Variants in CYP7B1 observed in about 807,000 individuals in gnomAD.
CYP7B1 encodes the protein cytochrome P450 7B1.
CYP7B1 carries 29 observed loss-of-function variants against 42.7 expected under a neutral mutation model. The observed-to-expected ratio is 0.68, with a 90% CI of 0.51 to 0.93. The LOEUF is 0.93. Ranked by LOEUF, CYP7B1 falls within the 40% of genes least tolerant of loss-of-function variation. The probability of loss-of-function intolerance (pLI) is 0.00; values close to 1 mark genes in which losing one functional copy is unlikely to be tolerated. For missense variants in CYP7B1, 655 were observed against 600.5 expected, an observed-to-expected ratio of 1.09 and a Z score of -0.95; for synonymous variants, 235 against 218.2, an observed-to-expected ratio of 1.08 and a Z score of -0.68.
chr8:64,781,100 C>G (rs556288604), intron 1 of CYP7B1, among the ~76,000 whole-genome samples: 2 of 152,098 alleles, frequency 1.3e-5, no homozygotes, highest in African/African-American at 4.8e-5. Context: ...TCTGTAAAAT[C>G]TGAGACCAAA....
intron 1 of CYP7B1, among the ~76,000 whole-genome samples, chr8:64,668,945 T>A (rs1385354545): frequency 6.6e-6 from 1 of 152,020 alleles, no homozygotes; most frequent in African/African-American, 2.4e-5. Context: ...CATAACTGCT[T>A]TATAGGTTAC....
At chr8:64,600,956 A>G (rs1051573333) in intron 5 of CYP7B1, among the ~76,000 whole-genome samples, 2 of 152,170 alleles carry the variant, frequency 1.3e-5, no homozygotes, top group African/African-American at 4.8e-5. Flanking sequence ...GTCACTCACT[A>G]TGCCCATCAA....
chr8:64,787,069 C>T (rs1047112453), intron 1 of CYP7B1, among the ~76,000 whole-genome samples: 1 of 152,204 alleles, frequency 6.6e-6, no homozygotes, highest in Admixed American at 6.5e-5. Context: ...AGGGGTTAGG[C>T]CTGGACTATG....
chr8:64,630,152 G>T (rs1805668389), intron 1 of CYP7B1, among the ~76,000 whole-genome samples: 2 of 152,052 alleles, frequency 1.3e-5, no homozygotes, highest in African/African-American at 4.8e-5. Flanking sequence ...CAGAAAGGAA[G>T]TGGGGGGAAA....
intron 1 of CYP7B1, among the ~76,000 whole-genome samples, chr8:64,755,544 C>T (rs929168490): frequency 1.3e-5 from 2 of 151,992 alleles, no homozygotes; most frequent in African/African-American, 4.8e-5. Flanking sequence ...TCAGCCTCCA[C>T]AGTAGCTGGG....
At chr8:64,746,354 C>T (rs1368813886) in intron 1 of CYP7B1, among the ~76,000 whole-genome samples, 1 of 152,110 alleles carries the variant, frequency 6.6e-6, no homozygotes, top group Admixed American at 6.6e-5. Flanking sequence ...TTTTGTTTTA[C>T]CACAAGAAAA....
intron 1 of CYP7B1, among the ~76,000 whole-genome samples, chr8:64,754,240 G>A (rs1807774043): frequency 6.6e-6 from 1 of 152,222 alleles, no homozygotes; most frequent in South Asian, 2.1e-4. Flanking sequence ...TCTGAAACAG[G>A]AGAGTGGTAC....
At chr8:64,614,534 C>G (rs1169209106) in intron 4 of CYP7B1, among the ~76,000 whole-genome samples, 1 of 151,928 alleles carries the variant, frequency 6.6e-6, no homozygotes, top group Non-Finnish European at 1.5e-5. Context: ...TCACGAACTT[C>G]CAATGGAAAA....
At chr8:64,797,873 T>G (rs1035497032) in intron 1 of CYP7B1, among the ~76,000 whole-genome samples, 7 of 152,240 alleles carry the variant, frequency 4.6e-5, no homozygotes, top group African/African-American at 7.2e-5. Context: ...GTCTAGATTT[T>G]GTCATTATTG....
chr8:64,692,658 A>G (rs967355129), intron 1 of CYP7B1, among the ~76,000 whole-genome samples: 1 of 152,198 alleles, frequency 6.6e-6, no homozygotes, highest in African/African-American at 2.4e-5. Context: ...AAGACAGCAG[A>G]AGAGGGAAAA....
At chr8:64,666,449 GAACA>G (rs1806281101) in intron 1 of CYP7B1, among the ~76,000 whole-genome samples, 1 of 152,182 alleles carries the variant, frequency 6.6e-6, no homozygotes, top group Non-Finnish European at 1.5e-5. Flanking sequence ...AGAGTAATAA[GAACA>G]AACAAATTGG....
intron 1 of CYP7B1, among the ~76,000 whole-genome samples, chr8:64,641,862 A>G (rs1027184609): frequency 1.3e-5 from 2 of 152,184 alleles, no homozygotes; most frequent in Admixed American, 6.5e-5. Flanking sequence ...AACATCACAC[A>G]CAGAATATTC....
chr8:64,687,220 T>C (rs563595438), intron 1 of CYP7B1, among the ~76,000 whole-genome samples: 1 of 152,226 alleles, frequency 6.6e-6, no homozygotes, highest in East Asian at 1.9e-4. Flanking sequence ...AAAGAAGATG[T>C]GGTATATCTG....
At chr8:64,695,278 G>A (rs1309626645) in intron 1 of CYP7B1, among the ~76,000 whole-genome samples, 3 of 152,134 alleles carry the variant, frequency 2.0e-5, no homozygotes, top group African/African-American at 4.8e-5. Context: ...CCGGACATGA[G>A]CCACAATTAC....
At chr8:64,741,200 A>G (rs1182668698) in intron 1 of CYP7B1, among the ~76,000 whole-genome samples, 6 of 152,192 alleles carry the variant, frequency 3.9e-5, no homozygotes, top group Non-Finnish European at 5.9e-5. Flanking sequence ...TAGCTTTATA[A>G]AATAAAGAAA....
Position 64,624,533 on chromosome 8 carries a change from G to A in CYP7B1, c.129C>T (p.Pro43=), listed in dbSNP as rs1471365409. Residue 43 remains proline, a synonymous_variant, in exon 2 of 6, where the codon CCC becomes CCT. Transcript: ENST00000310193. The part of the protein sequence containing the change: ...LCLLVRRTRR[P]GEPPLIKGWL... ...AACCTTTTATCAATGGAGGCTCACC[G>A]GGTCTCCTACAAGGAAAAAAAAAAA... is the stretch of plus-strand genomic sequence containing the variant. The A allele has an allele frequency of 6.2e-6, 10 of 1,612,948 alleles. No individual in the cohort carries two copies. In the Admixed American group the frequency reaches 8.3e-5, roughly 13 times the overall value.
At chr8:64,772,525 CA>C (rs1325633942) in intron 1 of CYP7B1, among the ~76,000 whole-genome samples, 3 of 152,194 alleles carry the variant, frequency 2.0e-5, no homozygotes, top group African/African-American at 7.2e-5. Context: ...TGCTCTGCCT[CA>C]CCCTGCAGAT....
At chr8:64,793,132 C>A (rs1804647460) in intron 1 of CYP7B1, among the ~76,000 whole-genome samples, 1 of 152,146 alleles carries the variant, frequency 6.6e-6, no homozygotes, top group Non-Finnish European at 1.5e-5. Context: ...ACAGCCTTGA[C>A]AGCACCCTGC....
intron 2 of CYP7B1, among the ~76,000 whole-genome samples, chr8:64,620,409 T>C (rs1805510882): frequency 6.6e-6 from 1 of 152,176 alleles, no homozygotes; most frequent in South Asian, 2.1e-4. Context: ...TGATGTACAG[T>C]GGTGCTTTGC....
Sources: gnomAD v4.1 joint callset for allele counts (sites outside exome capture counted in the v4.1 genomes callset) on GRCh38, gnomAD v4.1.1 for gene constraint, MANE v1.5 for transcripts, NCBI Gene and HGNC (gene_info 2026-07-23, HGNC 2026-07-21) for gene names.